Variants in MTCL2 observed in about 807,000 individuals in gnomAD.
MTCL2 encodes the protein microtubule cross-linking factor 2.
At chr20:36,815,725 G>A in the MTCL2 span, 1 of 1,597,244 alleles carries the variant, frequency 6.3e-7, no homozygotes, top group South Asian at 1.1e-5. The surrounding 1 kb of genome is among the most constrained non-coding windows in gnomAD (Gnocchi z 5.3). Context: ...GCGGCCGCCA[G>A]CTCCTCCTGT....
At chr20:36,849,219 G>A in the MTCL2 span, among the ~76,000 whole-genome samples, 3 of 151,392 alleles carry the variant, frequency 2.0e-5, no homozygotes, top group East Asian at 3.9e-4. Context: ...GCAGCACCAC[G>A]CTTGGCTAAT....
At chr20:36,840,674 G>A in the MTCL2 span, among the ~76,000 whole-genome samples, 10 of 151,596 alleles carry the variant, frequency 6.6e-5, no homozygotes, top group Admixed American at 6.6e-4. Context: ...GTGAAAATCC[G>A]TCTCTATTAA....
At chr20:36,817,323 G>T in the MTCL2 span, 1 of 1,202,404 alleles carries the variant, frequency 8.3e-7, no homozygotes, top group Non-Finnish European at 1.2e-6. Context: ...GGAGGACAGG[G>T]CAGAATCTGG....
the MTCL2 span, among the ~76,000 whole-genome samples, chr20:36,842,714 G>A: frequency 6.6e-6 from 1 of 152,206 alleles, no homozygotes; most frequent in Non-Finnish European, 1.5e-5. Context: ...AGAGGTTGCA[G>A]TGACCCAAGA....
At chr20:36,857,907 C>T in the MTCL2 span, among the ~76,000 whole-genome samples, 25 of 152,264 alleles carry the variant, frequency 1.6e-4, no homozygotes, top group African/African-American at 5.5e-4. Flanking sequence ...AGGGTCCTCA[C>T]GGCCCTGGGC....
At chr20:36,804,243 A>G in the MTCL2 span, among the ~76,000 whole-genome samples, 1 of 152,160 alleles carries the variant, frequency 6.6e-6, no homozygotes, top group Non-Finnish European at 1.5e-5. Context: ...CTGAGTGGGA[A>G]GAAGCCCACC....
At chr20:36,821,759 A>C in the MTCL2 span, among the ~76,000 whole-genome samples, 5 of 152,208 alleles carry the variant, frequency 3.3e-5, no homozygotes, top group African/African-American at 9.7e-5. Flanking sequence ...ATTTAAATAC[A>C]CATATATGTA....
the MTCL2 span, chr20:36,810,195 G>A: frequency 1.4e-6 from 2 of 1,453,080 alleles, no homozygotes; most frequent in South Asian, 1.3e-5. Context: ...GACAGTGGTA[G>A]GGGAACGATG....
the MTCL2 span, among the ~76,000 whole-genome samples, chr20:36,848,799 A>G: frequency 6.6e-6 from 1 of 152,046 alleles, no homozygotes; most frequent in East Asian, 1.9e-4. Flanking sequence ...AAAATGTAGC[A>G]TTTCCTTCTA....
chr20:36,843,233 G>C, the MTCL2 span, among the ~76,000 whole-genome samples: 3 of 152,204 alleles, frequency 2.0e-5, no homozygotes, highest in Non-Finnish European at 2.9e-5. Context: ...CTCTTCCAAT[G>C]GTCAGCCTGG....
At chr20:36,827,357 CTTTT>C in the MTCL2 span, among the ~76,000 whole-genome samples, 4 of 116,352 alleles carry the variant, frequency 3.4e-5, no homozygotes, top group Admixed American at 9.8e-5. Flanking sequence ...CTGGACCCCC[CTTTT>C]TTTTTTTTTT....
At chr20:36,837,237 T>G in the MTCL2 span, among the ~76,000 whole-genome samples, 7 of 152,156 alleles carry the variant, frequency 4.6e-5, no homozygotes, top group Non-Finnish European at 8.8e-5. Flanking sequence ...CTGGGCTGAG[T>G]TCTGAGGGCA....
At chr20:36,852,098 G>A in the MTCL2 span, among the ~76,000 whole-genome samples, 4 of 152,246 alleles carry the variant, frequency 2.6e-5, no homozygotes, top group African/African-American at 7.2e-5. Context: ...GCCCTCCGAC[G>A]GGCAGACCAA....
the MTCL2 span, among the ~76,000 whole-genome samples, chr20:36,830,774 C>T: frequency 1.3e-5 from 2 of 152,280 alleles, no homozygotes; most frequent in South Asian, 4.1e-4. Context: ...CTTACAGGCC[C>T]GACAGGATAA....
chr20:36,841,864 T>TGG, the MTCL2 span, among the ~76,000 whole-genome samples: 7 of 100,052 alleles, frequency 7.0e-5, no homozygotes, highest in East Asian at 3.3e-4. Context: ...ACATCGGGGG[T>TGG]GGGGGGTGGG....
At chr20:36,815,306 G>A in the MTCL2 span, 1 of 1,613,922 alleles carries the variant, frequency 6.2e-7, no homozygotes. The surrounding 1 kb of genome is among the most constrained non-coding windows in gnomAD (Gnocchi z 5.3). Context: ...GCACCAGGAT[G>A]GCATGGATGA....
the MTCL2 span, chr20:36,794,275 G>T: frequency 1.3e-6 from 2 of 1,551,964 alleles, no homozygotes; most frequent in South Asian, 2.4e-5. This position sits in a 1 kb window ranked among gnomAD's most constrained non-coding sequence, Gnocchi z 5.4. Flanking sequence ...TGCCCTCTTT[G>T]TCATGAACCA....
At chr20:36,844,901 T>TA in the MTCL2 span, among the ~76,000 whole-genome samples, 4 of 149,780 alleles carry the variant, frequency 2.7e-5, no homozygotes, top group Non-Finnish European at 5.9e-5. Flanking sequence ...GTGCCTGTAA[T>TA]ACCAGCTACT....
chr20:36,800,975 T>C, the MTCL2 span, among the ~76,000 whole-genome samples: 1 of 152,232 alleles, frequency 6.6e-6, no homozygotes, highest in Non-Finnish European at 1.5e-5. Flanking sequence ...GAATCTATCC[T>C]ACTGAAATAT....
Sources: gnomAD v4.1 joint callset for allele counts (sites outside exome capture counted in the v4.1 genomes callset) on GRCh38, gnomAD v4.1.1 for gene constraint, Gnocchi (gnomAD v3.1) non-coding constraint, MANE v1.5 for transcripts, NCBI Gene and HGNC (gene_info 2026-07-23, HGNC 2026-07-21) for gene names.